The following ADGRF1 variants were observed in gnomAD, a reference collection of about 807,000 sequenced individuals.
ADGRF1 encodes the protein G protein-coupled receptor 110.
ADGRF1 carries 85 observed loss-of-function variants against 87.2 expected under a neutral mutation model. The observed-to-expected ratio is 0.97, with a 90% confidence interval of 0.82 to 1.17. ADGRF1 has a LOEUF of 1.17. Ranked by LOEUF, ADGRF1 falls within the 50% of genes most tolerant of loss-of-function variation. The pLI is 0.00. For missense variants in ADGRF1, 1,169 were observed against 1,077.2 expected, an observed-to-expected ratio of 1.09 and a Z score of -1.19; for synonymous variants, 430 against 408.8, an observed-to-expected ratio of 1.05 and a Z score of -0.63.
intron 14 of ADGRF1, among the ~76,000 whole-genome samples, chr6:47,000,744 T>A (rs1010998038): frequency 6.6e-6 from 1 of 152,224 alleles, no homozygotes; most frequent in Non-Finnish European, 1.5e-5. Flanking sequence ...TATCTGGAAT[T>A]TGAATAATTT....
intron 9 of ADGRF1, chr6:47,014,461 C>A: frequency 7.8e-7 from 1 of 1,274,672 alleles, no homozygotes; most frequent in Non-Finnish European, 9.9e-7. Flanking sequence ...ACAAAACTAT[C>A]AACTCTGTCT....
At chr6:47,041,464 T>C (rs1208950141) in intron 1 of ADGRF1, among the ~76,000 whole-genome samples, 1 of 152,214 alleles carries the variant, frequency 6.6e-6, no homozygotes, top group East Asian at 1.9e-4. Context: ...TTCGGTATTT[T>C]TCCTTCATGT....
chr6:47,000,377 A>C, intron 14 of ADGRF1, 82 bp from the exon 15 acceptor site: 1 of 991,914 alleles, frequency 1.0e-6, no homozygotes, highest in Non-Finnish European at 1.5e-6. Flanking sequence ...TAGCCTGTAG[A>C]TTATTTCACA....
At chr6:47,026,085 T>A in intron 3 of ADGRF1, 82 bp from the exon 4 acceptor site, 1 of 1,282,390 alleles carries the variant, frequency 7.8e-7, no homozygotes, top group East Asian at 2.3e-5. Context: ...GAAACAATCA[T>A]CAAATTTAGG....
chr6:47,019,159 T>C (rs1779964124), intron 7 of ADGRF1: 2 of 468,636 alleles, frequency 4.3e-6, no homozygotes, highest in Non-Finnish European at 5.6e-6. Context: ...TGCAGATTAT[T>C]GGAGACAGCT....
intron 7 of ADGRF1, chr6:47,018,217 A>G (rs535109356): frequency 1.8e-4 from 69 of 387,226 alleles, no homozygotes; most frequent in South Asian, 1.7e-3. Context: ...TTTAGAATCC[A>G]TCAGCATACA....
chr6:47,039,646 C>T lies in ADGRF1; in HGVS notation c.-44+2545G>A, dbSNP rs527796126. 2.3e-3 allele frequency among the ~76,000 whole-genome samples: 344 copies of T among 152,304 alleles called. 3 individuals are homozygous for T. In the Middle Eastern group the frequency reaches 0.037, roughly 17 times the overall value. The stretch of plus-strand genomic sequence containing the variant: ...CCTTTTGTACTATCCCTCCAAGATC[C>T]TAAATTGTTTTCACATCTATTAAAA... On this transcript the variant is annotated intron_variant, in intron 1 of 14. Transcript: ENST00000371253.
chr6:47,023,226 A>G (rs1462344572), intron 5 of ADGRF1, among the ~76,000 whole-genome samples: 1 of 152,200 alleles, frequency 6.6e-6, no homozygotes, highest in Non-Finnish European at 1.5e-5. Flanking sequence ...AGCAAGAGAA[A>G]TTCTTCTGTG....
At chr6:47,030,758 C>T (rs1034924142) in intron 1 of ADGRF1, among the ~76,000 whole-genome samples, 2 of 151,676 alleles carry the variant, frequency 1.3e-5, no homozygotes, top group Non-Finnish European at 2.9e-5. Context: ...CCCTTTTCCA[C>T]TTTTTCTTCA....
intron 5 of ADGRF1, among the ~76,000 whole-genome samples, chr6:47,023,093 G>A (rs1451060129): frequency 6.6e-6 from 1 of 152,192 alleles, no homozygotes; most frequent in Non-Finnish European, 1.5e-5. Flanking sequence ...AGGATTACAA[G>A]TGTAAGCCAC....
At position 47,018,766 on chromosome 6, in the gene ADGRF1, T is replaced by A. The variant is rs570379479; in HGVS notation, c.611+1965A>T. 420 of 300,826 alleles carry A rather than the reference T, an allele frequency of 1.4e-3. 1 individual carries two copies. Among genetic ancestry groups the A allele is most frequent in the African/African-American group, 7.5e-3 (339 of 45,458 alleles). The allele number at this position is 300,826 out of a possible 1,614,324, so 18.6% of individuals were successfully genotyped here. A position where few individuals can be genotyped will look rare whatever the true frequency, so the allele number is the denominator to read the frequency against. On this transcript the variant is annotated intron_variant, in intron 7 of 14. Transcript: ENST00000371253. ...TCTTTATTTTTTAAAATAATTTTTT[T>A]AAAAGAGATTTATTTTAAATCATAT... is the stretch of plus-strand genomic sequence containing the variant.
chr6:47,013,058 C>G (rs1779757294), intron 9 of ADGRF1: 1 of 985,104 alleles, frequency 1.0e-6, no homozygotes. Flanking sequence ...AGGCATGAGC[C>G]ACTGCACCCG....
rs116277103 is a variant in ADGRF1 at position 47,018,511 on chromosome 6, C to A, written c.612-1743G>T. 4,252 of 1,289,700 alleles carry A rather than the reference C, an allele frequency of 3.3e-3. 96 individuals are homozygous for A. The African/African-American group carries it at 0.052, about 16-fold the overall frequency. The allele number at this position is 1,289,700 out of a possible 1,614,324, so 79.9% of individuals were successfully genotyped here. On this transcript the variant is annotated intron_variant, in intron 7 of 14. Transcript: ENST00000371253. ...ATTGATATGTCCATTCTATTGATTA[C>A]AGAGTATTTTCCTGCTTGTTATAGG...
Position 47,020,888 on chromosome 6 carries a change from T to A in ADGRF1, c.553-99A>T, listed in dbSNP as rs1780027539. 3.4e-6 allele frequency: 3 copies of A among 874,030 alleles called. No individual in the cohort carries two copies. The Admixed American group carries it at 6.1e-5, about 18-fold the overall frequency. The allele number at this position is 874,030 out of a possible 1,614,324, so 54.1% of individuals were successfully genotyped here. ...ATACAGACAATAAATAAATCAACAG[T>A]AGCAAAGGAGCAAAGAAAAGAGACA... On this transcript the variant is annotated intron_variant, in intron 6 of 14. Coordinates refer to ENST00000371253, the MANE Select transcript of ADGRF1 (RefSeq NM_153840.4).
chr6:47,016,876 CAG>C, intron 7 of ADGRF1, 108 bp from the exon 8 acceptor site: 1 of 1,359,458 alleles, frequency 7.4e-7, no homozygotes, highest in Non-Finnish European at 9.5e-7. Flanking sequence ...ATAAAGTAAA[CAG>C]AGCTTACATT....
Position 47,006,177 on chromosome 6 carries a change from A to G in ADGRF1, c.2533-301T>C, listed in dbSNP as rs185647388. Among the ~76,000 whole-genome samples the G allele has an allele frequency of 3.9e-3, 589 of 152,330 alleles. 5 individuals are homozygous for G. The highest frequency in any genetic ancestry group is 0.013 in the African/African-American group (545 of 41,584). On this transcript the variant is annotated intron_variant, in intron 12 of 14. Coordinates refer to ENST00000371253, the MANE Select transcript of ADGRF1 (RefSeq NM_153840.4). ...TTGAAGTGAAGAGTTTCCTAACCAC[A>G]TGAATGGTAAGACAAGGCAATTACT...
rs374646758 is a variant in ADGRF1, at chr6:47,012,111, G to A, written c.1012C>T (p.Pro338Ser). The A allele has an allele frequency of 6.2e-7, 1 of 1,613,968 alleles. No individual in the cohort carries two copies. The highest frequency in any genetic ancestry group is 2.2e-5 in the East Asian group (1 of 44,892). ...QNLSVIIRQN[P>S]STTVGNLASV... ...GCCAGATTCCCCACTGTGGTTGATG[G>A]GTTTTGCCGAATGATGACAGAAAGA... The change falls in exon 10 of 15, where the codon CCA (proline) becomes TCA (serine). Residue 338 changes from proline to serine, a missense_variant. Transcript: ENST00000371253.
chr6:47,003,570 A>G (rs1318943982), intron 13 of ADGRF1, among the ~76,000 whole-genome samples: 1 of 152,254 alleles, frequency 6.6e-6, no homozygotes, highest in Admixed American at 6.5e-5. Flanking sequence ...TTAACCCAGA[A>G]ACTCCTTTCT....
chr6:47,003,521 G>A (rs1779422346), intron 13 of ADGRF1, among the ~76,000 whole-genome samples: 1 of 151,970 alleles, frequency 6.6e-6, no homozygotes, highest in Non-Finnish European at 1.5e-5. Context: ...AAGGGCTTCA[G>A]GTACATAAAA....
Sources: allele counts gnomAD v4.1 joint callset (sites outside exome capture counted in the v4.1 genomes callset), GRCh38; gene constraint gnomAD v4.1.1; transcripts MANE v1.5; gene names NCBI Gene and HGNC (gene_info 2026-07-23, HGNC 2026-07-21).